Variants in ADAMTS18 observed in about 807,000 individuals in gnomAD.
ADAMTS18 encodes ADAM metallopeptidase with thrombospondin type 1 motif 18.
A neutral mutation model predicts 165.9 loss-of-function variants in ADAMTS18; 157 were observed. The observed-to-expected ratio is 0.95, with a 90% confidence interval of 0.83 to 1.08. The LOEUF is 1.08. ADAMTS18 is among the 50% of genes least tolerant of loss of function. ADAMTS18 has a pLI of 0.00. For synonymous variants in ADAMTS18, 782 were observed against 578.2 expected (o/e 1.35, Z -5.06); for missense variants, 2,040 against 1,534.0 (o/e 1.33, Z -5.51).
intron 10 of ADAMTS18, among the ~76,000 whole-genome samples, chr16:77,348,905 G>C (rs1406528854): frequency 3.3e-5 from 5 of 152,142 alleles, no homozygotes; most frequent in Admixed American, 3.3e-4. Flanking sequence ...GTCACTGGGT[G>C]GCCACACAGC....
At chr16:77,360,342 T>A (rs1303993484) in intron 7 of ADAMTS18, among the ~76,000 whole-genome samples, 1 of 152,176 alleles carries the variant, frequency 6.6e-6, no homozygotes, top group Non-Finnish European at 1.5e-5. Context: ...AAACCAAAGC[T>A]CAGAGAGGTG....
intron 5 of ADAMTS18, 58 bp from the exon 6 acceptor site, chr16:77,363,943 T>A: frequency 1.3e-6 from 2 of 1,508,336 alleles, no homozygotes; most frequent in Non-Finnish European, 1.8e-6. Context: ...TTAGGGGGAA[T>A]CAATCAGACA....
intron 3 of ADAMTS18, among the ~76,000 whole-genome samples, chr16:77,405,016 G>C (rs1337797071): frequency 6.6e-6 from 1 of 152,190 alleles, no homozygotes; most frequent in Non-Finnish European, 1.5e-5. Context: ...TAGCACTGCT[G>C]TTAATTACCT....
Position 77,334,581 on chromosome 16 carries a change from T to TTATAGTATATAGTATATATATACTAC in ADAMTS18, c.1859+1149_1859+1174dup, listed in dbSNP as rs1555514183. On this transcript the variant is annotated intron_variant, in intron 12 of 22. Transcript: ENST00000282849. Reference sequence around the variant, plus strand: ...TATATAGTAGTATATATAGTATATATTATAGTATATAGTATATATATACTA... The same window carrying TTATAGTATATAGTATATATATACTAC: ...TATATAGTAGTATATATAGTATATATTATAGTATATAGTATATATATACTACTATAGTATATAGTATATATATACTA... Among the ~76,000 whole-genome samples the TTATAGTATATAGTATATATATACTAC allele has an allele frequency of 7.7e-4, 86 of 111,638 alleles. 1 individual carries two copies. Among genetic ancestry groups the TTATAGTATATAGTATATATATACTAC allele is most frequent in the African/African-American group, 1.8e-3 (48 of 27,010 alleles). The allele number at this position is 111,638 out of a possible 152,430, so 73.2% of individuals were successfully genotyped here. A position where few individuals can be genotyped will look rare whatever the true frequency, so the allele number is the denominator to read the frequency against.
In ADAMTS18 at chr16:77,305,351, C is replaced by G. The variant is rs550953268; in HGVS notation, c.2533-4947G>C. Among the ~76,000 whole-genome samples, 22 of 152,176 alleles carry G rather than the reference C, an allele frequency of 1.4e-4. No homozygotes were observed. In the Middle Eastern group the frequency reaches 0.01, roughly 71 times the overall value. ...TCTGTGGGAAAGTTTCTCTTTCACC[C>G]TGTTCTTAAAAAAAAATCAGAATTT... On this transcript the variant is annotated intron_variant, in intron 16 of 22. Transcript: ENST00000282849.
chr16:77,376,057 C>T (rs1010425573), intron 3 of ADAMTS18, among the ~76,000 whole-genome samples: 2 of 151,992 alleles, frequency 1.3e-5, no homozygotes, highest in Non-Finnish European at 2.9e-5. Flanking sequence ...GCATGGGCCA[C>T]CACGCCCGGC....
At chr16:77,330,888 G>C (rs373243536) in intron 12 of ADAMTS18, among the ~76,000 whole-genome samples, 4 of 152,274 alleles carry the variant, frequency 2.6e-5, no homozygotes, top group East Asian at 3.9e-4. Flanking sequence ...AGAACCAAAT[G>C]CTTAAACTGA....
chr16:77,386,581 C>T (rs1402498654), intron 3 of ADAMTS18, among the ~76,000 whole-genome samples: 4 of 152,184 alleles, frequency 2.6e-5, no homozygotes, highest in South Asian at 2.1e-4. Flanking sequence ...CAAAGCCCTA[C>T]CCCTTCTGCA....
intron 16 of ADAMTS18, among the ~76,000 whole-genome samples, chr16:77,305,482 G>A (rs1384123271): frequency 6.6e-6 from 1 of 152,168 alleles, no homozygotes; most frequent in Non-Finnish European, 1.5e-5. Flanking sequence ...TTTCAAGACA[G>A]TGACAGTGAA....
At chr16:77,401,586 T>G (rs1033856236) in intron 3 of ADAMTS18, among the ~76,000 whole-genome samples, 1 of 152,220 alleles carries the variant, frequency 6.6e-6, no homozygotes, top group Non-Finnish European at 1.5e-5. Flanking sequence ...ACAAGTTCTG[T>G]GTGAAGATGA....
intron 3 of ADAMTS18, among the ~76,000 whole-genome samples, chr16:77,386,011 G>C (rs1275587764): frequency 2.0e-5 from 3 of 152,184 alleles, no homozygotes; most frequent in Non-Finnish European, 2.9e-5. Context: ...AACATTTCTG[G>C]CTAGCATTTA....
intron 3 of ADAMTS18, among the ~76,000 whole-genome samples, chr16:77,373,438 G>A (rs1370025160): frequency 5.3e-5 from 8 of 150,610 alleles, no homozygotes; most frequent in South Asian, 4.2e-4. Flanking sequence ...CAGCCTGGGC[G>A]GCAGGGCAAG....
intron 10 of ADAMTS18, among the ~76,000 whole-genome samples, chr16:77,347,370 A>G (rs1170391647): frequency 1.3e-5 from 2 of 152,170 alleles, no homozygotes; most frequent in Non-Finnish European, 2.9e-5. Context: ...TCTACATTGA[A>G]ACAACTCGGT....
intron 9 of ADAMTS18, 29 bp from the exon 10 acceptor site, chr16:77,353,915 A>C (rs746267230): frequency 6.2e-7 from 1 of 1,613,668 alleles, no homozygotes; most frequent in Admixed American, 1.7e-5. Flanking sequence ...CTTATTAATT[A>C]CTCTGTTGAT....
Position 77,362,147 on chromosome 16 carries a change from A to C in ADAMTS18, c.1174T>G (p.Phe392Val), listed in dbSNP as rs151112491. ...TCATTCTTCCAAGAACAAATATCAA[A>C]TCCTGTTAGTAAGATGGCATGATCA... ...RHDHAILLTG[F>V]DICSWKNEPC... Residue 392 changes from phenylalanine (F) to valine (V), a missense_variant, in exon 7 of 23, where the codon TTT becomes GTT. Phe to Val is a conservative substitution (Grantham distance 50). Coordinates refer to ENST00000282849, the MANE Select transcript of ADAMTS18 (RefSeq NM_199355.4). The C allele has an allele frequency of 1.2e-5, 20 of 1,613,962 alleles. No individual in the cohort carries two copies. In the African/African-American group the frequency reaches 2.3e-4, roughly 18 times the overall value.
At position 77,355,964 on chromosome 16, in the gene ADAMTS18, C is replaced by T. The variant is rs759290262; in HGVS notation, c.1436G>A (p.Arg479His). 20 of 1,614,008 alleles carry T rather than the reference C, an allele frequency of 1.2e-5. No homozygotes were observed. The highest frequency in any genetic ancestry group is 1.1e-4 in the South Asian group (10 of 91,076). ...NGVFSWSSCS[R>H]QYLKKFLSTP... The stretch of plus-strand genomic sequence containing the variant: ...CCTGAGGAATTTCTTGAGATACTGG[C>T]GGCTGCAGGAAGACCATGAAAACAC... The change falls in exon 9 of 23, where the codon CGC (arginine) becomes CAC (histidine). Residue 479 changes from arginine (R) to histidine (H), a missense_variant. Arg to His is a conservative substitution (Grantham distance 29, BLOSUM62 0). Transcript: ENST00000282849.
intron 3 of ADAMTS18, among the ~76,000 whole-genome samples, chr16:77,373,273 G>A (rs140524459): frequency 5.2e-4 from 79 of 152,032 alleles, no homozygotes; most frequent in African/African-American, 1.9e-3. Context: ...AGGAGATTGA[G>A]AACATCCTGG....
chr16:77,383,710 T>G (rs1320245104), intron 3 of ADAMTS18, among the ~76,000 whole-genome samples: 2 of 152,096 alleles, frequency 1.3e-5, no homozygotes. Flanking sequence ...GCCTGGCTAA[T>G]TTTTGTGACT....
chr16:77,310,083 A>G (rs1036589038), intron 16 of ADAMTS18, among the ~76,000 whole-genome samples: 1 of 152,196 alleles, frequency 6.6e-6, no homozygotes, highest in Non-Finnish European at 1.5e-5. Flanking sequence ...AGAGGATTTC[A>G]GTGCTGAAAT....
Sources: gnomAD v4.1 joint callset for allele counts (sites outside exome capture counted in the v4.1 genomes callset) on GRCh38, gnomAD v4.1.1 for gene constraint, MANE v1.5 for transcripts, NCBI Gene and HGNC (gene_info 2026-07-23, HGNC 2026-07-21) for gene names.